The following XRRA1 variants were observed in gnomAD, a reference collection of about 807,000 sequenced individuals.
XRRA1 encodes X-ray radiation resistance-associated protein 1.
A neutral mutation model predicts 80.2 loss-of-function variants in XRRA1; 69 were observed. That is an observed-to-expected ratio of 0.86 (90% CI 0.71 to 1.05). The LOEUF (loss-of-function observed/expected upper bound fraction) is 1.05. XRRA1 is among the 50% of genes least tolerant of loss of function. The pLI, the probability that XRRA1 is intolerant of heterozygous loss-of-function variation, is 0.00. For missense variants in XRRA1, 967 were observed against 976.4 expected (o/e 0.99, Z 0.13); for synonymous variants, 348 against 389.9 (o/e 0.89, Z 1.27).
chr11:74,878,826 T>TCTGTTTTGGTAACAGTACCATG (rs2046734696), intron 10 of XRRA1, among the ~76,000 whole-genome samples: 1 of 151,840 alleles, frequency 6.6e-6, no homozygotes, highest in Non-Finnish European at 1.5e-5. Context: ...GGTCTATATC[T>TCTGTTTTGGTAACAGTACCATG]CTGTTTTGGT....
At chr11:74,902,759 C>T (rs2053803853) in intron 10 of XRRA1, among the ~76,000 whole-genome samples, 1 of 151,812 alleles carries the variant, frequency 6.6e-6, no homozygotes, top group Admixed American at 6.6e-5. Context: ...AAGATGGTTA[C>T]CAGAGGCTGG....
chr11:74,889,921 AAG>A (rs1219964775), intron 10 of XRRA1, among the ~76,000 whole-genome samples: 1 of 152,176 alleles, frequency 6.6e-6, no homozygotes, highest in Non-Finnish European at 1.5e-5. Flanking sequence ...GAGACCTACA[AAG>A]AGACTTAGAC....
intron 5 of XRRA1, 49 bp from the exon 6 acceptor site, chr11:74,930,421 C>T (rs1177714734): frequency 2.1e-6 from 3 of 1,450,658 alleles, no homozygotes; most frequent in Non-Finnish European, 2.8e-6. Context: ...AGATTAGTTC[C>T]CTGCCTAGAA....
chr11:74,916,431 C>T (rs1264207329), intron 8 of XRRA1, among the ~76,000 whole-genome samples: 3 of 152,078 alleles, frequency 2.0e-5, no homozygotes, highest in Non-Finnish European at 4.4e-5. Context: ...ATTCTCTCTT[C>T]TGACTGCTCG....
chr11:74,917,188 G>C (rs1467240518), intron 8 of XRRA1, among the ~76,000 whole-genome samples: 1 of 152,160 alleles, frequency 6.6e-6, no homozygotes, highest in Non-Finnish European at 1.5e-5. Context: ...TCTAAAATTT[G>C]GAGGACAGAG....
Position 74,852,090 on chromosome 11 carries a change from G to T in XRRA1, c.1171-8C>A, listed in dbSNP as rs1459952451. ...AGCATCCTCTTTTGCGATCTGTAAT[G>T]AATGCAGGAGAGACTCTCAGGTTGA... On this transcript the variant is annotated splice_region_variant and splice_polypyrimidine_tract_variant and intron_variant, in intron 12 of 18. Coordinates refer to ENST00000684022, the MANE Select transcript of XRRA1 (RefSeq NM_001378157.1). 5 of 1,611,974 alleles carry T rather than the reference G, an allele frequency of 3.1e-6. No individual in the cohort carries two copies. The Admixed American group carries it at 5.0e-5, about 16-fold the overall frequency.
intron 10 of XRRA1, among the ~76,000 whole-genome samples, chr11:74,879,373 A>G (rs963403527): frequency 3.9e-5 from 6 of 152,168 alleles, no homozygotes; most frequent in South Asian, 2.1e-4. Context: ...GGCTGAGACA[A>G]TGGGGTTTTC....
At chr11:74,916,111 T>C (rs563883471) in intron 8 of XRRA1, among the ~76,000 whole-genome samples, 46 of 152,338 alleles carry the variant, frequency 3.0e-4, no homozygotes, top group African/African-American at 1.1e-3. Context: ...CTCTGTCTTT[T>C]AACAGTCTGA....
At chr11:74,935,800 G>A (rs567266162) in intron 4 of XRRA1, among the ~76,000 whole-genome samples, 40 of 152,258 alleles carry the variant, frequency 2.6e-4, no homozygotes, top group African/African-American at 9.1e-4. Context: ...AAACATCCTT[G>A]TTGCTCCTGT....
chr11:74,903,420 T>A (rs1184867055), intron 10 of XRRA1, among the ~76,000 whole-genome samples: 1 of 152,198 alleles, frequency 6.6e-6, no homozygotes, highest in Non-Finnish European at 1.5e-5. Context: ...AGTCAGTAAC[T>A]AGGCTGGGCG....
intron 13 of XRRA1, 121 bp from the exon 14 acceptor site, chr11:74,851,324 G>A (rs1057086824): frequency 6.2e-6 from 4 of 649,418 alleles, no homozygotes; most frequent in Non-Finnish European, 1.0e-5. Context: ...TCAACCCTAG[G>A]AGGTAGGTCG....
chr11:74,845,063 C>T lies in XRRA1; in HGVS notation c.1927+10G>A, dbSNP rs747893496. On this transcript the variant is annotated intron_variant, in intron 16 of 18. Coordinates refer to ENST00000684022, the MANE Select transcript of XRRA1 (RefSeq NM_001378157.1). Reference sequence around the variant, plus strand: ...CTCTTGCCCTAGAGCAAGGATATGCCCTCACATACCCTTTGGCTCAATGAA... The same window carrying T: ...CTCTTGCCCTAGAGCAAGGATATGCTCTCACATACCCTTTGGCTCAATGAA... 2.5e-6 allele frequency: 4 copies of T among 1,611,994 alleles called. No homozygotes were observed. Among genetic ancestry groups the T allele is most frequent in the East Asian group, 2.2e-5 (1 of 44,882 alleles).
intron 10 of XRRA1, among the ~76,000 whole-genome samples, chr11:74,887,137 T>TA (rs1368082141): frequency 1.1e-4 from 17 of 152,240 alleles, no homozygotes; most frequent in Admixed American, 1.1e-3. Flanking sequence ...GCCTAGGAAA[T>TA]ACACTTCTGG....
intron 4 of XRRA1, among the ~76,000 whole-genome samples, chr11:74,934,193 G>A (rs1944381434): frequency 6.6e-6 from 1 of 152,138 alleles, no homozygotes; most frequent in South Asian, 2.1e-4. Context: ...CCTTGCCAAA[G>A]GTCCCACAGT....
At chr11:74,878,301 G>A (rs1481645427) in intron 10 of XRRA1, among the ~76,000 whole-genome samples, 5 of 151,440 alleles carry the variant, frequency 3.3e-5, no homozygotes, top group African/African-American at 1.2e-4. Context: ...CCCACTTTTT[G>A]ATGGGGTTGT....
At chr11:74,876,951 T>A (rs1176029330) in intron 10 of XRRA1, 1 of 152,208 alleles carries the variant, frequency 6.6e-6, no homozygotes, top group Non-Finnish European at 1.5e-5. Context: ...AGTTGTAACT[T>A]CATAGACTCC....
At chr11:74,941,204 C>T (rs1032534241) in intron 2 of XRRA1, among the ~76,000 whole-genome samples, 5 of 152,152 alleles carry the variant, frequency 3.3e-5, no homozygotes, top group African/African-American at 1.2e-4. Flanking sequence ...TTACTCTACT[C>T]CTCTGAACTT....
chr11:74,881,346 C>T (rs1377572272), intron 10 of XRRA1, among the ~76,000 whole-genome samples: 2 of 151,396 alleles, frequency 1.3e-5, no homozygotes, highest in African/African-American at 4.9e-5. Flanking sequence ...TTATTTTGAG[C>T]CTATGTGCGT....
intron 3 of XRRA1, among the ~76,000 whole-genome samples, chr11:74,937,893 A>G (rs1207955287): frequency 6.6e-6 from 1 of 152,186 alleles, no homozygotes; most frequent in Non-Finnish European, 1.5e-5. Flanking sequence ...CAAGGCCTGC[A>G]CAGAGCTCAC....
Sources: gnomAD v4.1 joint callset for allele counts (sites outside exome capture counted in the v4.1 genomes callset) on GRCh38, gnomAD v4.1.1 for gene constraint, MANE v1.5 for transcripts, NCBI Gene and HGNC (gene_info 2026-07-23, HGNC 2026-07-21) for gene names.